The following KIF4A variants were observed in gnomAD, a reference collection of about 807,000 sequenced individuals.
KIF4A encodes kinesin family member 4A.
Under a neutral mutation model 105.9 loss-of-function variants are expected in KIF4A, and 7 were observed. The observed-to-expected ratio is 0.07, with a 90% confidence interval of 0.04 to 0.12. KIF4A has a LOEUF of 0.12. KIF4A is among the 10% of genes least tolerant of loss of function. The probability of loss-of-function intolerance (pLI) is 1.00; values close to 1 mark genes in which losing one functional copy is unlikely to be tolerated. For synonymous variants in KIF4A, 281 were observed against 331.3 expected, an observed-to-expected ratio of 0.85 and a Z score of 1.65; for missense variants, 558 against 929.2, an observed-to-expected ratio of 0.60 and a Z score of 5.19.
intron 15 of KIF4A, among the ~76,000 whole-genome samples, chrX:70,373,516 GTGTGTATGTATATATA>G (rs1332447556): frequency 1.9e-4 from 2 of 10,709 alleles, no homozygotes; most frequent in Non-Finnish European, 2.7e-4. Context: ...ATATACATGT[GTGTGTATGTATATATA>G]TATATATATA....
chrX:70,342,779 C>T (rs745694552), intron 11 of KIF4A, among the ~76,000 whole-genome samples: 6 of 111,937 alleles, frequency 5.4e-5, no homozygotes, highest in Non-Finnish European at 1.1e-4. Flanking sequence ...TTTTCTGTCT[C>T]CAGTGCTGTA....
At chrX:70,318,027 G>T in intron 7 of KIF4A, among the ~76,000 whole-genome samples, 1 of 109,839 alleles carries the variant, frequency 9.1e-6, no homozygotes, top group East Asian at 2.8e-4. Flanking sequence ...ACAGGCATGT[G>T]CCACCACACC....
At chrX:70,367,418 C>T (rs2086109271) in intron 15 of KIF4A, among the ~76,000 whole-genome samples, 1 of 111,608 alleles carries the variant, frequency 9.0e-6, no homozygotes, top group South Asian at 3.8e-4. Flanking sequence ...TTAGTGCTTC[C>T]TTCAGGAGCT....
At chrX:70,336,519 T>A (rs910210869) in intron 10 of KIF4A, among the ~76,000 whole-genome samples, 10 of 111,889 alleles carry the variant, frequency 8.9e-5, no homozygotes, top group Non-Finnish European at 1.7e-4. Context: ...ACTAATGGAA[T>A]GTATTGTCAT....
intron 18 of KIF4A, among the ~76,000 whole-genome samples, chrX:70,379,589 G>A (rs2086189184): frequency 9.0e-6 from 1 of 110,596 alleles, no homozygotes; most frequent in Admixed American, 9.7e-5. Flanking sequence ...TCAGGAATTC[G>A]AGACCAGCCT....
At chrX:70,414,198 A>G (rs1288551838) in intron 28 of KIF4A, among the ~76,000 whole-genome samples, 1 of 112,323 alleles carries the variant, frequency 8.9e-6, no homozygotes, top group Non-Finnish European at 1.9e-5. Flanking sequence ...GGAAATATAT[A>G]CAACTATTAA....
intron 13 of KIF4A, among the ~76,000 whole-genome samples, chrX:70,349,319 C>CT: frequency 1.1e-5 from 1 of 88,823 alleles, no homozygotes; most frequent in East Asian, 3.9e-4. Flanking sequence ...ACAGGGTGGC[C>CT]GGGCAGAGGT....
intron 28 of KIF4A, among the ~76,000 whole-genome samples, chrX:70,413,981 A>C (rs928917627): frequency 9.0e-6 from 1 of 110,953 alleles, no homozygotes; most frequent in Non-Finnish European, 1.9e-5. Flanking sequence ...TGTGACTAGA[A>C]TGTATCAAGC....
chrX:70,303,937 T>TTTATTATTA (rs552101158), intron 7 of KIF4A, among the ~76,000 whole-genome samples: 3 of 104,146 alleles, frequency 2.9e-5, no homozygotes, highest in African/African-American at 1.1e-4. Context: ...TTTATTTTAT[T>TTTATTATTA]TTATTATTAT....
At chrX:70,332,447 AT>A (rs2085934389) in intron 9 of KIF4A, among the ~76,000 whole-genome samples, 1 of 111,795 alleles carries the variant, frequency 8.9e-6, no homozygotes, top group African/African-American at 3.3e-5. Context: ...TGGGCAAGTT[AT>A]TTCATTGGAA....
chrX:70,388,326 T>C (rs915503143), intron 20 of KIF4A, among the ~76,000 whole-genome samples: 9 of 111,639 alleles, frequency 8.1e-5, no homozygotes, highest in Non-Finnish European at 1.7e-4. Flanking sequence ...TGGTTTCCAG[T>C]TTTTGGCTCT....
chrX:70,322,545 T>G (rs999566781), intron 7 of KIF4A, among the ~76,000 whole-genome samples: 5 of 108,647 alleles, frequency 4.6e-5, no homozygotes, highest in Non-Finnish European at 9.5e-5. Context: ...TCTCCTGACC[T>G]CGTGATCCAC....
chrX:70,344,102 G>T (rs1252635516), intron 13 of KIF4A, 120 bp downstream of exon 13: 4 of 508,150 alleles, frequency 7.9e-6, no homozygotes, highest in African/African-American at 4.7e-5. Flanking sequence ...GCCGCTTTTG[G>T]ACAGAGGTCG....
chrX:70,351,744 T>G (rs1057416463), intron 13 of KIF4A, among the ~76,000 whole-genome samples: 1 of 111,635 alleles, frequency 9.0e-6, no homozygotes, highest in Non-Finnish European at 1.9e-5. Flanking sequence ...TTTTTGTTTT[T>G]GTTTTTGTTT....
intron 22 of KIF4A, among the ~76,000 whole-genome samples, chrX:70,401,819 CA>C (rs1248567729): frequency 8.9e-6 from 1 of 111,887 alleles, no homozygotes; most frequent in Non-Finnish European, 1.9e-5. Flanking sequence ...CCTGAAACCC[CA>C]AAATTTGAGA....
At chrX:70,373,520 G>GTATA (rs1405085439) in intron 15 of KIF4A, among the ~76,000 whole-genome samples, 1 of 5,890 alleles carries the variant, frequency 1.7e-4, no homozygotes, top group Non-Finnish European at 2.4e-4. Flanking sequence ...ACATGTGTGT[G>GTATA]TATGTATATA....
At chrX:70,387,787 G>C (rs1041106733) in intron 20 of KIF4A, among the ~76,000 whole-genome samples, 1 of 111,592 alleles carries the variant, frequency 9.0e-6, no homozygotes, top group Non-Finnish European at 1.9e-5. Context: ...AGAATCGTTT[G>C]AACCTGGGAG....
intron 15 of KIF4A, among the ~76,000 whole-genome samples, chrX:70,370,268 G>A (rs2086124920): frequency 9.0e-6 from 1 of 110,577 alleles, no homozygotes; most frequent in Admixed American, 9.8e-5. Flanking sequence ...CTATGTAAAT[G>A]TCTGCAAAAA....
chrX:70,417,545 G>A (rs961749136), intron 28 of KIF4A, among the ~76,000 whole-genome samples: 1 of 112,105 alleles, frequency 8.9e-6, no homozygotes, highest in African/African-American at 3.2e-5. Flanking sequence ...TACTCAGGAG[G>A]CTGAGGCAGG....
Sources: allele counts gnomAD v4.1 joint callset (sites outside exome capture counted in the v4.1 genomes callset), GRCh38; gene constraint gnomAD v4.1.1; transcripts MANE v1.5; gene names NCBI Gene and HGNC (gene_info 2026-07-23, HGNC 2026-07-21).